LASP1: variants seen among roughly 807,000 people sequenced by gnomAD.
LASP1 encodes LIM and SH3 domain protein 1.
In LASP1, 10 loss-of-function variants were observed where a neutral mutation model predicts 38.6. The observed-to-expected ratio is 0.26, with a 90% CI of 0.16 to 0.44. The LOEUF (loss-of-function observed/expected upper bound fraction) is 0.44, where lower values mean the gene tolerates loss of function less well. Ranked by LOEUF, LASP1 falls within the 20% of genes least tolerant of loss-of-function variation. The pLI, the probability that LASP1 is intolerant of heterozygous loss-of-function variation, is 1.00. For synonymous variants in LASP1, 132 were observed against 140.8 expected (o/e 0.94, Z 0.44); for missense variants, 243 against 375.7 (o/e 0.65, Z 2.92).
chr17:38,891,213 C>T (rs1401174907), intron 3 of LASP1, among the ~76,000 whole-genome samples: 1 of 108,120 alleles, frequency 9.2e-6, no homozygotes, highest in Non-Finnish European at 1.9e-5. Flanking sequence ...TGGGGTGGGG[C>T]GGGGCTTCAG....
chr17:38,910,733 C>CCTTTTTTTTTTTTT (rs1555556390), intron 4 of LASP1, among the ~76,000 whole-genome samples: 2 of 135,476 alleles, frequency 1.5e-5, no homozygotes, highest in Non-Finnish European at 3.1e-5. Context: ...CTGGAGTCCA[C>CCTTTTTTTTTTTTT]TTTTTTTTAA....
At chr17:38,914,899 C>T (rs1477444379) in intron 5 of LASP1, 144 bp from the exon 6 acceptor site, 5 of 737,038 alleles carry the variant, frequency 6.8e-6, no homozygotes, top group Non-Finnish European at 9.4e-6. Flanking sequence ...CAAATGTGCA[C>T]ACGTGGACAT....
intron 2 of LASP1, among the ~76,000 whole-genome samples, chr17:38,887,004 GATTAC>G (rs568841886): frequency 1.2e-3 from 180 of 152,310 alleles, no homozygotes; most frequent in African/African-American, 3.8e-3. Context: ...AAACTGCTGG[GATTAC>G]AGGCGTGAGC....
chr17:38,871,820 A>C (rs1260249835), intron 1 of LASP1, among the ~76,000 whole-genome samples: 2 of 151,926 alleles, frequency 1.3e-5, no homozygotes, highest in Non-Finnish European at 2.9e-5. Context: ...GGGCACGAGG[A>C]AAGTTGTTGA....
intron 1 of LASP1, among the ~76,000 whole-genome samples, chr17:38,877,805 T>G (rs1295630973): frequency 6.6e-6 from 1 of 152,188 alleles, no homozygotes; most frequent in Non-Finnish European, 1.5e-5. Context: ...CTGCTGCCAC[T>G]GCTATAACTG....
intron 4 of LASP1, chr17:38,899,006 C>G (rs1033110883): frequency 2.9e-6 from 1 of 350,018 alleles, no homozygotes; most frequent in Admixed American, 3.8e-5. Context: ...ACCCGCCAGC[C>G]CTGCACCCCC....
At position 38,915,084 on chromosome 17, in the gene LASP1, G is replaced by A. The variant is rs1320783445; in HGVS notation, c.550G>A (p.Gly184Ser). 8 of 1,614,062 alleles carry A rather than the reference G, an allele frequency of 5.0e-6. No homozygotes were observed. Among genetic ancestry groups the A allele is most frequent in the Non-Finnish European group, 6.8e-6 (8 of 1,180,022 alleles). Residue 184 changes from glycine (G) to serine (S), a missense_variant, in exon 6 of 7, where the codon GGT becomes AGT. Physicochemically the swap from Gly to Ser is moderately conservative, Grantham distance 56 (BLOSUM62 0). Around this residue, in one of 4 missense-constraint regions of LASP1, gnomAD observed 165 missense variants for 210.3 expected, o/e 0.78. Transcript: ENST00000318008. ...PQQQPVAQSYGGYKEPAAPVS... is the reference protein window; with the variant it reads ...PQQQPVAQSYSGYKEPAAPVS... ...GCAGCAGCCGGTGGCCCAGTCCTAT[G>A]GTGGCTACAAGGAGCCTGCAGCCCC...
chr17:38,881,861 T>C (rs1401925042), intron 2 of LASP1, among the ~76,000 whole-genome samples: 1 of 152,228 alleles, frequency 6.6e-6, no homozygotes, highest in Non-Finnish European at 1.5e-5. Flanking sequence ...AAGAAAGCTA[T>C]CTTTCCCTGT....
chr17:38,886,290 GCTGGGGA>G (rs930207707), intron 2 of LASP1, among the ~76,000 whole-genome samples: 22 of 151,238 alleles, frequency 1.5e-4, no homozygotes, highest in African/African-American at 5.2e-4. Context: ...AGGGCTGGGG[GCTGGGGA>G]CTGGGGACTG....
chr17:38,898,348 G>T, intron 3 of LASP1, 64 bp from the exon 4 acceptor site: 1 of 1,222,716 alleles, frequency 8.2e-7, no homozygotes, highest in East Asian at 2.6e-5. Flanking sequence ...CCTCAGAGGG[G>T]CCCCAAGCCG....
chr17:38,875,142 T>C (rs1186858521), intron 1 of LASP1, among the ~76,000 whole-genome samples: 1 of 151,458 alleles, frequency 6.6e-6, no homozygotes. Flanking sequence ...GGCAGGCCCC[T>C]GTGGGGGTAG....
At chr17:38,897,502 TC>T (rs1304259000) in intron 3 of LASP1, among the ~76,000 whole-genome samples, 3 of 152,232 alleles carry the variant, frequency 2.0e-5, no homozygotes, top group African/African-American at 7.2e-5. Context: ...AGTTTCCTGT[TC>T]CATGAGTTTT....
chr17:38,901,122 G>A (rs376576404), intron 4 of LASP1, among the ~76,000 whole-genome samples: 3 of 152,334 alleles, frequency 2.0e-5, no homozygotes, highest in East Asian at 3.9e-4. Flanking sequence ...CCAGCTCCCT[G>A]GCTGTTCACT....
At chr17:38,871,180 G>A (rs140488461) in intron 1 of LASP1, among the ~76,000 whole-genome samples, 9 of 151,992 alleles carry the variant, frequency 5.9e-5, no homozygotes, top group African/African-American at 2.2e-4. Flanking sequence ...TGGAGATTCA[G>A]TGTCCCCTGG....
chr17:38,909,487 A>G (rs1368154932), intron 4 of LASP1, among the ~76,000 whole-genome samples: 1 of 152,048 alleles, frequency 6.6e-6, no homozygotes, highest in Non-Finnish European at 1.5e-5. Flanking sequence ...GTTGCCTATA[A>G]TCCCAGCTAC....
chr17:38,876,492 C>G (rs1048459527), intron 1 of LASP1, among the ~76,000 whole-genome samples: 5 of 152,090 alleles, frequency 3.3e-5, no homozygotes, highest in African/African-American at 9.7e-5. Context: ...TCCCGAGTAG[C>G]TGGGATTACA....
rs1212016073 is a variant in LASP1, at chr17:38,919,972, C to T, written c.*1194C>T. The stretch of plus-strand genomic sequence containing the variant: ...TGAGGGTATGAAGAGCTGTCTTCCC[C>T]TGAGAGTTTCCTCAGAACCCACAGT... On this transcript the variant is annotated 3_prime_UTR_variant, in exon 7 of 7. Transcript: ENST00000318008. 3 of 535,030 alleles carry T rather than the reference C, an allele frequency of 5.6e-6. No individual in the cohort carries two copies. Among genetic ancestry groups the T allele is most frequent in the East Asian group, 7.8e-5 (2 of 25,798 alleles). 33.1% of individuals were successfully genotyped at this position (535,030 alleles called of 1,614,324 possible).
intron 2 of LASP1, among the ~76,000 whole-genome samples, chr17:38,884,934 G>T (rs900213330): frequency 2.6e-5 from 4 of 152,168 alleles, no homozygotes; most frequent in South Asian, 4.1e-4. Flanking sequence ...CAGATGATCC[G>T]CCCGCTTCGG....
intron 1 of LASP1, chr17:38,874,093 G>A (rs1243703892): frequency 1.3e-5 from 2 of 152,440 alleles, no homozygotes; most frequent in Non-Finnish European, 1.5e-5. Flanking sequence ...CAGGCTGAGA[G>A]GCCTCTAACA....
Sources: allele counts gnomAD v4.1 joint callset (sites outside exome capture counted in the v4.1 genomes callset), GRCh38; gene constraint gnomAD v4.1.1; regional missense constraint gnomAD v4.1.1; transcripts MANE v1.5; gene names NCBI Gene and HGNC (gene_info 2026-07-23, HGNC 2026-07-21).